PCDH9: variants seen among roughly 807,000 people sequenced by gnomAD.
PCDH9 encodes protocadherin-9.
Under a neutral mutation model 70.6 loss-of-function variants are expected in PCDH9, and 24 were observed. That is an observed-to-expected ratio of 0.34 (90% CI 0.25 to 0.48). PCDH9 has a LOEUF of 0.48. Ranked by LOEUF, PCDH9 falls within the 20% of genes least tolerant of loss-of-function variation. PCDH9 has a pLI of 0.99. For missense variants in PCDH9, 1,281 were observed against 1,503.6 expected, an observed-to-expected ratio of 0.85 and a Z score of 2.45; for synonymous variants, 562 against 558.5, an observed-to-expected ratio of 1.01 and a Z score of -0.09.
intron 2 of PCDH9, among the ~76,000 whole-genome samples, chr13:67,078,266 G>C (rs1001189685): frequency 1.3e-5 from 2 of 152,136 alleles, no homozygotes; most frequent in Non-Finnish European, 2.9e-5. Flanking sequence ...TGCGCCATCA[G>C]CTGGTCAAAT....
chr13:66,821,322 A>G (rs1239168969), intron 3 of PCDH9, among the ~76,000 whole-genome samples: 1 of 152,178 alleles, frequency 6.6e-6, no homozygotes, highest in East Asian at 1.9e-4. Flanking sequence ...TCAGAAAGAA[A>G]TAGGCAACAA....
At chr13:67,058,559 C>A (rs898526102) in intron 2 of PCDH9, among the ~76,000 whole-genome samples, 12 of 152,114 alleles carry the variant, frequency 7.9e-5, no homozygotes, top group South Asian at 2.1e-4. Flanking sequence ...ACTACACATA[C>A]TTTTCCTCCC....
intron 3 of PCDH9, among the ~76,000 whole-genome samples, chr13:66,736,722 A>G (rs1475133637): frequency 6.6e-6 from 1 of 152,230 alleles, no homozygotes; most frequent in Non-Finnish European, 1.5e-5. Context: ...TAATATGAAT[A>G]GGTAAGTCTG....
At chr13:66,334,782 T>G (rs189343680) in intron 4 of PCDH9, among the ~76,000 whole-genome samples, 237 of 152,176 alleles carry the variant, frequency 1.6e-3, no homozygotes, top group Non-Finnish European at 2.8e-3. Flanking sequence ...TATATTAGCT[T>G]CACAACAAAA....
chr13:66,809,284 C>T (rs113906778), intron 3 of PCDH9, among the ~76,000 whole-genome samples: 2,022 of 152,122 alleles, frequency 0.013, 36 homozygotes, highest in African/African-American at 0.045. Flanking sequence ...TACCTTGAGG[C>T]TAGGTATAAA....
At chr13:66,355,602 T>C (rs1956369978) in intron 4 of PCDH9, among the ~76,000 whole-genome samples, 1 of 152,150 alleles carries the variant, frequency 6.6e-6, no homozygotes, top group South Asian at 2.1e-4. Context: ...TAGATCAGCT[T>C]TGTTCAGGCA....
intron 4 of PCDH9, among the ~76,000 whole-genome samples, chr13:66,558,296 ATTAAACAAATGTATGCTTTTTT>A (rs1331883757): frequency 6.6e-6 from 1 of 152,210 alleles, no homozygotes; most frequent in Non-Finnish European, 1.5e-5. Flanking sequence ...TTTACAAACT[ATTAAACAAATGTATGCTTTTTT>A]TAAAAAAGCC....
intron 3 of PCDH9, among the ~76,000 whole-genome samples, chr13:66,845,805 C>T (rs1019216445): frequency 2.0e-5 from 3 of 152,188 alleles, no homozygotes; most frequent in African/African-American, 7.2e-5. Flanking sequence ...GTTAAGTTCT[C>T]AAACTCAATG....
At chr13:66,316,877 A>G (rs913785245) in intron 4 of PCDH9, among the ~76,000 whole-genome samples, 1 of 151,970 alleles carries the variant, frequency 6.6e-6, no homozygotes, top group Non-Finnish European at 1.5e-5. Context: ...CACGCACAAC[A>G]ACGCCTGGCT....
At chr13:66,349,108 A>T (rs1016546516) in intron 4 of PCDH9, among the ~76,000 whole-genome samples, 9 of 152,314 alleles carry the variant, frequency 5.9e-5, no homozygotes, top group Admixed American at 4.6e-4. Context: ...AATTACTGAG[A>T]GTTTGACAAA....
intron 4 of PCDH9, among the ~76,000 whole-genome samples, chr13:66,429,615 A>G (rs1447867620): frequency 6.6e-6 from 1 of 151,846 alleles, no homozygotes; most frequent in Non-Finnish European, 1.5e-5. Context: ...TGGTCTATAA[A>G]TATCTTCAAG....
intron 4 of PCDH9, among the ~76,000 whole-genome samples, chr13:66,491,030 T>C (rs1341915971): frequency 1.3e-5 from 2 of 152,214 alleles, no homozygotes; most frequent in Non-Finnish European, 2.9e-5. Flanking sequence ...CTTTGATTGA[T>C]ATATACATTA....
At chr13:66,743,283 G>A (rs1490859173) in intron 3 of PCDH9, among the ~76,000 whole-genome samples, 1 of 111,718 alleles carries the variant, frequency 9.0e-6, no homozygotes, top group African/African-American at 3.3e-5. Context: ...TCATAGGTGG[G>A]AATTGAACAA....
intron 4 of PCDH9, among the ~76,000 whole-genome samples, chr13:66,314,043 G>A (rs924453407): frequency 6.6e-6 from 1 of 152,116 alleles, no homozygotes; most frequent in African/African-American, 2.4e-5. Flanking sequence ...ACAGCTCAGT[G>A]CTTCTCAAAT....
At chr13:66,370,783 G>A (rs1169505586) in intron 4 of PCDH9, among the ~76,000 whole-genome samples, 1 of 151,762 alleles carries the variant, frequency 6.6e-6, no homozygotes, top group Non-Finnish European at 1.5e-5. Context: ...CAACATGCTG[G>A]GATTACAAGT....
At chr13:66,851,285 A>G (rs1304598250) in intron 3 of PCDH9, among the ~76,000 whole-genome samples, 1 of 152,198 alleles carries the variant, frequency 6.6e-6, no homozygotes, top group Non-Finnish European at 1.5e-5. Flanking sequence ...TGTATTATAA[A>G]GATTCACAAG....
chr13:66,652,248 C>A (rs2077863113), intron 3 of PCDH9, among the ~76,000 whole-genome samples: 1 of 151,736 alleles, frequency 6.6e-6, no homozygotes, highest in South Asian at 2.1e-4. Flanking sequence ...AAGACTCAAT[C>A]AAAAAATGAT....
intron 3 of PCDH9, among the ~76,000 whole-genome samples, chr13:66,828,407 A>T (rs1287845602): frequency 2.6e-5 from 4 of 152,210 alleles, no homozygotes; most frequent in Non-Finnish European, 5.9e-5. Flanking sequence ...ACTGACAGGA[A>T]TAACAAATAC....
At chr13:67,153,341 A>AT (rs1253744431) in intron 2 of PCDH9, among the ~76,000 whole-genome samples, 75 of 150,020 alleles carry the variant, frequency 5.0e-4, no homozygotes, top group East Asian at 4.3e-3. Flanking sequence ...CTGATTTGTT[A>AT]TTTTTTTTTG....
Sources: gnomAD v4.1 joint callset for allele counts (sites outside exome capture counted in the v4.1 genomes callset) on GRCh38, gnomAD v4.1.1 for gene constraint, MANE v1.5 for transcripts, NCBI Gene and HGNC (gene_info 2026-07-23, HGNC 2026-07-21) for gene names.